OR56A3: variants seen among roughly 807,000 people sequenced by gnomAD.
OR56A3 encodes olfactory receptor 56A3.
OR56A3 carries 23 observed loss-of-function variants against 17.5 expected under a neutral mutation model. That is an observed-to-expected ratio of 1.32 (90% CI 0.95 to 1.87). The LOEUF (loss-of-function observed/expected upper bound fraction) is 1.87. Among genes scored for constraint, OR56A3 ranks in the 40% most tolerant of loss-of-function variants. The pLI, the probability that OR56A3 is intolerant of heterozygous loss-of-function variation, is 0.00. For missense variants in OR56A3, 366 were observed against 380.1 expected, an observed-to-expected ratio of 0.96 and a Z score of 0.31; for synonymous variants, 175 against 150.6, an observed-to-expected ratio of 1.16 and a Z score of -1.19.
chr11:5,994,977 G>A, the OR56A3 span: 37 of 699,072 alleles, frequency 5.3e-5, no homozygotes, highest in East Asian at 3.7e-4. Context: ...GCAGCCAGGC[G>A]CCCGGACCCC....
At chr11:5,994,085 C>T in the OR56A3 span, 7 of 484,198 alleles carry the variant, frequency 1.4e-5, no homozygotes, top group South Asian at 7.7e-5. Flanking sequence ...GCTTCCTACT[C>T]GTGGGCCTGG....
the OR56A3 span, among the ~76,000 whole-genome samples, chr11:5,975,342 T>G: frequency 2.0e-5 from 3 of 149,438 alleles, no homozygotes; most frequent in African/African-American, 7.4e-5. Flanking sequence ...TATCTCCTAA[T>G]GCTATCCCTC....
rs200860425 is a variant in OR56A3 at position 5,945,648 on chromosome 11, AC to A, written c.-37+568del. 3.5e-3 allele frequency among the ~76,000 whole-genome samples: 532 copies of A among 151,272 alleles called. 1 individual carries two copies. The highest frequency in any genetic ancestry group is 0.012 in the African/African-American group (507 of 41,232). On this transcript the variant is annotated intron_variant, in intron 2 of 2. Coordinates refer to ENST00000641160, the MANE Select transcript of OR56A3 (RefSeq NM_001003443.3). ...GAACCCTAGAAATTAATCCAACCCAACCTCTATATTAGGTAAGATTAGGATT... is the reference window on the plus strand; with the variant it reads ...GAACCCTAGAAATTAATCCAACCCAACTCTATATTAGGTAAGATTAGGATT...
chr11:6,017,513 G>A, the OR56A3 span, among the ~76,000 whole-genome samples: 4 of 152,126 alleles, frequency 2.6e-5, no homozygotes, highest in Non-Finnish European at 5.9e-5. Flanking sequence ...AGAATGCTAT[G>A]TTCAAAATGC....
downstream of OR56A3, among the ~76,000 whole-genome samples, chr11:5,954,548 TA>T (rs1305276025): frequency 1.3e-5 from 2 of 152,214 alleles, no homozygotes; most frequent in African/African-American, 4.8e-5. Context: ...ATCATTTTTT[TA>T]AATAAAATTC....
chr11:6,005,417 C>T, the OR56A3 span, among the ~76,000 whole-genome samples: 2 of 152,064 alleles, frequency 1.3e-5, no homozygotes, highest in Non-Finnish European at 2.9e-5. Context: ...GAAAAGGAGG[C>T]GGGAGAGTAG....
intron 1 of OR56A3, among the ~76,000 whole-genome samples, chr11:5,943,076 T>C (rs1232796008): frequency 4.6e-5 from 7 of 152,330 alleles, no homozygotes; most frequent in Admixed American, 3.9e-4. Context: ...CAAACCAAGA[T>C]TGAATAATGA....
the OR56A3 span, among the ~76,000 whole-genome samples, chr11:5,990,969 T>A: frequency 6.6e-6 from 1 of 152,254 alleles, no homozygotes; most frequent in East Asian, 1.9e-4. Context: ...CCCTCCCTGC[T>A]TAGCCCCAGG....
At chr11:6,005,386 C>T in the OR56A3 span, among the ~76,000 whole-genome samples, 1 of 152,182 alleles carries the variant, frequency 6.6e-6, no homozygotes, top group Admixed American at 6.5e-5. Flanking sequence ...TTAGGGGCTA[C>T]TGCATCCCAA....
downstream of OR56A3, among the ~76,000 whole-genome samples, chr11:5,954,949 G>C (rs1341171836): frequency 2.0e-5 from 3 of 152,078 alleles, no homozygotes; most frequent in Admixed American, 1.3e-4. Flanking sequence ...ACACAAAAAA[G>C]GACTCCAAAG....
the OR56A3 span, among the ~76,000 whole-genome samples, chr11:6,007,989 C>T: frequency 2.0e-5 from 3 of 152,216 alleles, no homozygotes; most frequent in African/African-American, 2.4e-5. Context: ...AGTGTGGTTT[C>T]GGACAATGCA....
the OR56A3 span, among the ~76,000 whole-genome samples, chr11:5,995,334 G>A: frequency 0.011 from 1,663 of 152,300 alleles, 23 homozygotes; most frequent in African/African-American, 0.036. Flanking sequence ...AATTTGGACT[G>A]GCCACATCTC....
rs1847895294 is a variant in OR56A3, at chr11:5,949,426, GCA to G, written c.*1139_*1140del. 6.6e-6 allele frequency: 1 copy of G among 152,158 alleles called. No individual in the cohort carries two copies. The highest frequency in any genetic ancestry group is 2.1e-4 in the South Asian group (1 of 4,826). The allele number at this position is 152,158 out of a possible 1,614,324, so 9.4% of individuals were successfully genotyped here. On this transcript the variant is annotated 3_prime_UTR_variant, in exon 3 of 3. Coordinates refer to ENST00000641160, the MANE Select transcript of OR56A3 (RefSeq NM_001003443.3). ...GCCTTGCACAGCCACACACCCACAT[GCA>G]CACACATACATACCCACAGCATAAA...
At chr11:6,000,290 A>G in the OR56A3 span, 2 of 152,250 alleles carry the variant, frequency 1.3e-5, no homozygotes, top group Non-Finnish European at 2.9e-5. Context: ...GCCATAAAAA[A>G]TGATGAGTTC....
At position 5,948,585 on chromosome 11, in the gene OR56A3, A is replaced by G. The variant is rs1386654426; in HGVS notation, c.*291A>G. On this transcript the variant is annotated 3_prime_UTR_variant, in exon 3 of 3. Transcript: ENST00000641160. ...TAAAGTGAAAAATGTATGTTTCTGA[A>G]CACACAACTCAATATGTCATGAATT... 5.8e-6 allele frequency: 2 copies of G among 343,328 alleles called. No homozygotes were observed. Among genetic ancestry groups the G allele is most frequent in the Admixed American group, 8.6e-5 (2 of 23,130 alleles). 21.3% of individuals were successfully genotyped at this position (343,328 alleles called of 1,614,324 possible).
chr11:5,968,875 T>C, the OR56A3 span, among the ~76,000 whole-genome samples: 2 of 152,190 alleles, frequency 1.3e-5, no homozygotes, highest in Non-Finnish European at 2.9e-5. Flanking sequence ...CAGAGTAATC[T>C]AGAATTAATA....
At chr11:5,968,193 A>G in the OR56A3 span, 62 of 1,614,100 alleles carry the variant, frequency 3.8e-5, no homozygotes, top group Non-Finnish European at 5.0e-5. Context: ...CACCTGAAGG[A>G]AGCAGGCAGG....
the OR56A3 span, among the ~76,000 whole-genome samples, chr11:5,984,527 G>A: frequency 6.6e-6 from 1 of 152,102 alleles, no homozygotes; most frequent in African/African-American, 2.4e-5. Context: ...AGACTCTCTA[G>A]GGTTAAGAGA....
the OR56A3 span, among the ~76,000 whole-genome samples, chr11:5,989,641 G>A: frequency 6.6e-6 from 1 of 151,890 alleles, no homozygotes; most frequent in African/African-American, 2.4e-5. Context: ...AGGGTGGGAG[G>A]TGGATAAGGC....
Sources: gnomAD v4.1 joint callset for allele counts (sites outside exome capture counted in the v4.1 genomes callset) on GRCh38, gnomAD v4.1.1 for gene constraint, MANE v1.5 for transcripts, NCBI Gene and HGNC (gene_info 2026-07-23, HGNC 2026-07-21) for gene names.